DLEC1: variants seen among roughly 807,000 people sequenced by gnomAD.
The protein encoded by DLEC1 is DLEC1 cilia and flagella associated protein.
A neutral mutation model predicts 198.1 loss-of-function variants in DLEC1; 146 were observed. The observed-to-expected ratio is 0.74, with a 90% CI of 0.64 to 0.85. The LOEUF (loss-of-function observed/expected upper bound fraction) is 0.85, where lower values mean the gene tolerates loss of function less well. Among genes scored for constraint, DLEC1 ranks in the 40% least tolerant of loss-of-function variants. The pLI is 0.00. For missense variants in DLEC1, 2,233 were observed against 2,220.0 expected (o/e 1.01, Z -0.12); for synonymous variants, 897 against 866.8 (o/e 1.03, Z -0.61).
At chr3:38,045,198 AG>A (rs1234121660) in intron 1 of DLEC1, among the ~76,000 whole-genome samples, 1 of 152,200 alleles carries the variant, frequency 6.6e-6, no homozygotes, top group African/African-American at 2.4e-5. Flanking sequence ...CCCTGTAGCT[AG>A]GGAGCAAGTC....
At chr3:38,094,727 T>C in intron 12 of DLEC1, 152 bp from the exon 13 acceptor site, 1 of 799,346 alleles carries the variant, frequency 1.3e-6, no homozygotes, top group Admixed American at 2.9e-5. Flanking sequence ...CATTGGAGGG[T>C]CCTCCATTGG....
intron 33 of DLEC1, among the ~76,000 whole-genome samples, chr3:38,119,439 C>A (rs572174255): frequency 1.3e-5 from 2 of 152,126 alleles, no homozygotes; most frequent in South Asian, 2.1e-4. Flanking sequence ...CCAAGCCCTG[C>A]GGATGCCCCC....
At position 38,116,983 on chromosome 3, in the gene DLEC1, T is replaced by C; in HGVS notation, c.4188T>C (p.Pro1396=). The change falls in exon 30 of 37, where the codon CCT becomes CCC. Residue 1396 remains proline, a synonymous_variant. Coordinates refer to ENST00000308059, the MANE Select transcript of DLEC1 (RefSeq NM_007335.4). Reference sequence around the variant, plus strand: ...TGCTGTGTCTATGCCAGGTGGTCCCTGCTGGGGGCAGCAGTACCATCTACA... The same window carrying C: ...TGCTGTGTCTATGCCAGGTGGTCCCCGCTGGGGGCAGCAGTACCATCTACA... ...YCISPKQVVV[P]AGGSSTIYIS... 6.2e-7 allele frequency: 1 copy of C among 1,613,880 alleles called. No homozygotes were observed. The highest frequency in any genetic ancestry group is 1.3e-5 in the African/African-American group (1 of 75,034).
chr3:38,105,219 A>G (rs1233872749), intron 19 of DLEC1, among the ~76,000 whole-genome samples: 4 of 152,138 alleles, frequency 2.6e-5, no homozygotes, highest in African/African-American at 9.6e-5. Context: ...ATTCTGGAGA[A>G]TATTCCTTGT....
chr3:38,091,886 C>T (rs1016964574), intron 10 of DLEC1, among the ~76,000 whole-genome samples: 3 of 152,048 alleles, frequency 2.0e-5, no homozygotes. Context: ...AAAGGGAATC[C>T]TTGCCCGCTG....
chr3:38,043,837 G>A (rs1036644434), intron 1 of DLEC1, among the ~76,000 whole-genome samples: 8 of 152,124 alleles, frequency 5.3e-5, no homozygotes, highest in Non-Finnish European at 1.0e-4. Flanking sequence ...GGGATTACAA[G>A]TGCCTGCCAC....
rs150095652 is a variant in DLEC1, at chr3:38,069,697, G to A, written c.1173+5778G>A. ...ACCTTGCAGCCACCACAGCTACCAT[G>A]TTTCACTCCCTGGCCTTCCACCTGC... On this transcript the variant is annotated intron_variant, in intron 6 of 36. Coordinates refer to ENST00000308059, the MANE Select transcript of DLEC1 (RefSeq NM_007335.4). 1.4e-3 allele frequency among the ~76,000 whole-genome samples: 211 copies of A among 152,256 alleles called. 1 individual carries two copies. Among genetic ancestry groups the A allele is most frequent in the African/African-American group, 4.8e-3 (200 of 41,554 alleles).
At chr3:38,042,683 G>A (rs772905030) in intron 1 of DLEC1, among the ~76,000 whole-genome samples, 123 of 150,434 alleles carry the variant, frequency 8.2e-4, no homozygotes, top group Non-Finnish European at 1.0e-3. Context: ...AGCCTCCCAA[G>A]TAGCTGGGAT....
intron 23 of DLEC1, 131 bp from the exon 24 acceptor site, chr3:38,111,546 C>T: frequency 1.2e-6 from 1 of 852,994 alleles, no homozygotes; most frequent in Non-Finnish European, 1.8e-6. Context: ...CAGCTCTCCC[C>T]TGGGAAGAGC....
chr3:38,069,834 T>G (rs993688088), intron 6 of DLEC1, among the ~76,000 whole-genome samples: 1 of 152,158 alleles, frequency 6.6e-6, no homozygotes, highest in Non-Finnish European at 1.5e-5. Context: ...TGGTGTAATA[T>G]GTAGTGTTGG....
intron 1 of DLEC1, among the ~76,000 whole-genome samples, chr3:38,045,079 C>T (rs1700821877): frequency 6.6e-6 from 1 of 152,218 alleles, no homozygotes; most frequent in Non-Finnish European, 1.5e-5. Flanking sequence ...CTTTATACCC[C>T]TGCCTCTCTC....
chr3:38,105,734 T>TTGCTAATCTC (rs1699535924), intron 19 of DLEC1, among the ~76,000 whole-genome samples: 1 of 152,202 alleles, frequency 6.6e-6, no homozygotes, highest in Non-Finnish European at 1.5e-5. Flanking sequence ...TCTCTGCCTT[T>TTGCTAATCTC]TGATTGGATT....
intron 2 of DLEC1, among the ~76,000 whole-genome samples, chr3:38,047,446 T>A (rs928911602): frequency 3.1e-4 from 47 of 152,306 alleles, no homozygotes; most frequent in African/African-American, 1.1e-3. Context: ...ATTTTTATAG[T>A]ATAGATGCAT....
intron 16 of DLEC1, 55 bp from the exon 17 acceptor site, chr3:38,097,452 G>C: frequency 6.2e-7 from 1 of 1,605,734 alleles, no homozygotes; most frequent in Non-Finnish European, 8.5e-7. Context: ...CCCAATCATA[G>C]GAGGAAACTG....
At chr3:38,083,330 A>C (rs1448486830) in intron 6 of DLEC1, among the ~76,000 whole-genome samples, 1 of 151,528 alleles carries the variant, frequency 6.6e-6, no homozygotes, top group Non-Finnish European at 1.5e-5. Context: ...TGGGTAAAGG[A>C]AAATTACAGT....
intron 6 of DLEC1, among the ~76,000 whole-genome samples, chr3:38,069,648 T>TC (rs1241185787): frequency 3.2e-4 from 49 of 152,272 alleles, no homozygotes; most frequent in African/African-American, 1.1e-3. Context: ...CATGCCACAG[T>TC]CCTTATAATG....
At chr3:38,090,071 C>T (rs1236909604) in intron 10 of DLEC1, among the ~76,000 whole-genome samples, 1 of 151,986 alleles carries the variant, frequency 6.6e-6, no homozygotes, top group Admixed American at 6.6e-5. Context: ...TGGCTCACAC[C>T]TATAATCTCA....
intron 33 of DLEC1, among the ~76,000 whole-genome samples, chr3:38,120,057 CAT>C (rs1422803387): frequency 1.3e-5 from 2 of 152,204 alleles, no homozygotes; most frequent in East Asian, 1.9e-4. Context: ...TCATCACACT[CAT>C]GTGTGGTCTG....
Position 38,115,025 on chromosome 3 carries a change from C to T in DLEC1, c.3828C>T (p.Thr1276=). 1 of 1,613,996 alleles carries T rather than the reference C, an allele frequency of 6.2e-7. No homozygotes were observed. Among genetic ancestry groups the T allele is most frequent in the Non-Finnish European group, 8.5e-7 (1 of 1,179,942 alleles). ...QVSGGDTVTR[T]LRLNNSSPCD... ...CCGGAGGAGACACAGTTACCCGAAC[C>T]CTTCGCCTGAATAACTCCAGCCCCT... Residue 1276 remains threonine (T), a synonymous_variant, in exon 27 of 37, where the codon ACC becomes ACT. Transcript: ENST00000308059.
Sources: allele counts gnomAD v4.1 joint callset (sites outside exome capture counted in the v4.1 genomes callset), GRCh38; gene constraint gnomAD v4.1.1; transcripts MANE v1.5; gene names NCBI Gene and HGNC (gene_info 2026-07-23, HGNC 2026-07-21).